Variants in CASTOR2 observed in about 807,000 individuals in gnomAD.
The protein encoded by CASTOR2 is GATS protein like 2.
In CASTOR2, 8 loss-of-function variants were observed where a neutral mutation model predicts 31.2. That is an observed-to-expected ratio of 0.26 (90% confidence interval 0.15 to 0.46). The LOEUF is 0.46. Among genes scored for constraint, CASTOR2 ranks in the 20% least tolerant of loss-of-function variants. The pLI is 0.99. For missense variants in CASTOR2, 216 were observed against 382.1 expected, an observed-to-expected ratio of 0.57 and a Z score of 3.62; for synonymous variants, 162 against 158.7, an observed-to-expected ratio of 1.02 and a Z score of -0.16.
In CASTOR2 at chr7:75,026,277, C is replaced by T. The variant is rs1317537828; in HGVS notation, c.*1578C>T. Among the ~76,000 whole-genome samples the T allele has an allele frequency of 4.7e-5, 7 of 150,190 alleles. No individual in the cohort carries two copies. The South Asian group carries it at 6.3e-4, about 14-fold the overall frequency. Reference sequence around the variant, plus strand: ...CGATCTTGGCTCACTACACCCTCCTCCTCCCAGGTTCAAGTGATTCTCCTG... The same window carrying T: ...CGATCTTGGCTCACTACACCCTCCTTCTCCCAGGTTCAAGTGATTCTCCTG... On this transcript the variant is annotated 3_prime_UTR_variant, in exon 9 of 9. Transcript: ENST00000616305.
At chr7:74,988,423 G>A (rs1584463324) in intron 1 of CASTOR2, among the ~76,000 whole-genome samples, 2 of 151,974 alleles carry the variant, frequency 1.3e-5, no homozygotes, top group Non-Finnish European at 2.9e-5. Context: ...TCAGCCTCCC[G>A]GGTAGCTGGG....
chr7:75,022,098 G>A, intron 7 of CASTOR2, 142 bp downstream of exon 7: 1 of 958,596 alleles, frequency 1.0e-6, no homozygotes, highest in Non-Finnish European at 1.6e-6. Context: ...AATTTCTGTT[G>A]CTCACTGGTG....
At chr7:75,024,387 A>C in intron 7 of CASTOR2, 53 bp from the exon 8 acceptor site, 3 of 1,538,142 alleles carry the variant, frequency 2.0e-6, no homozygotes, top group Non-Finnish European at 2.6e-6. Flanking sequence ...AGAGCCACAC[A>C]GGCAAGGGTA....
At chr7:75,016,726 G>A (rs1335254773) in intron 2 of CASTOR2, among the ~76,000 whole-genome samples, 2 of 152,208 alleles carry the variant, frequency 1.3e-5, no homozygotes, top group Non-Finnish European at 2.9e-5. Context: ...TGATGCCATC[G>A]TTTTACGGCT....
At position 75,027,802 on chromosome 7, in the gene CASTOR2, G is replaced by T; in HGVS notation, c.*3103G>T. 1 of 598,728 alleles carries T rather than the reference G, an allele frequency of 1.7e-6. No individual in the cohort carries two copies. Among genetic ancestry groups the T allele is most frequent in the Non-Finnish European group, 3.0e-6 (1 of 336,428 alleles). 37.1% of individuals were successfully genotyped at this position (598,728 alleles called of 1,614,324 possible). Reference sequence around the variant, plus strand: ...GGTTTATCTTCTCGGCGTTCTGTGTGTAGCGTAGTCTTGGTTTGGTCTCCA... The same window carrying T: ...GGTTTATCTTCTCGGCGTTCTGTGTTTAGCGTAGTCTTGGTTTGGTCTCCA... On this transcript the variant is annotated 3_prime_UTR_variant, in exon 9 of 9. Transcript: ENST00000616305.
intron 1 of CASTOR2, among the ~76,000 whole-genome samples, chr7:74,979,309 T>C (rs1418759153): frequency 6.8e-6 from 1 of 146,760 alleles, no homozygotes; most frequent in East Asian, 2.1e-4. Context: ...TAGTGAACAT[T>C]GTACCCGATA....
At chr7:75,019,298 G>A (rs1445060660) in intron 5 of CASTOR2, among the ~76,000 whole-genome samples, 6 of 152,104 alleles carry the variant, frequency 3.9e-5, no homozygotes, top group Middle Eastern at 6.8e-3. Flanking sequence ...GACCTGCCCC[G>A]GAGCTAGTCT....
intron 1 of CASTOR2, among the ~76,000 whole-genome samples, chr7:74,972,103 C>T (rs1197620634): frequency 4.1e-5 from 6 of 147,228 alleles, no homozygotes; most frequent in African/African-American, 1.5e-4. Context: ...CTCAGCCGCC[C>T]GAATAGCTGG....
At position 75,030,153 on chromosome 7, in the gene CASTOR2, G is replaced by A. The variant is rs1443052728; in HGVS notation, c.*5454G>A. Among the ~76,000 whole-genome samples the A allele has an allele frequency of 1.3e-5, 2 of 152,236 alleles. No homozygotes were observed. The highest frequency in any genetic ancestry group is 2.9e-5 in the Non-Finnish European group (2 of 68,046). Reference sequence around the variant, plus strand: ...AAGGGAAGAGGAGCTATGGAAATTGGAAGTGCAGGGTGGCCTGTGTGCTAG... The same window carrying A: ...AAGGGAAGAGGAGCTATGGAAATTGAAAGTGCAGGGTGGCCTGTGTGCTAG... On this transcript the variant is annotated 3_prime_UTR_variant, in exon 9 of 9. Transcript: ENST00000616305.
intron 1 of CASTOR2, among the ~76,000 whole-genome samples, chr7:74,997,191 C>T (rs1804372928): frequency 6.6e-6 from 1 of 151,712 alleles, no homozygotes; most frequent in Admixed American, 6.6e-5. Flanking sequence ...GTAGCTGGGA[C>T]TACAGGTGCA....
chr7:74,995,431 C>T (rs1490046143), intron 1 of CASTOR2, among the ~76,000 whole-genome samples: 7 of 139,788 alleles, frequency 5.0e-5, no homozygotes, highest in Non-Finnish European at 7.6e-5. Context: ...TTTGGGAGGC[C>T]GAGGCGGGAA....
intron 1 of CASTOR2, among the ~76,000 whole-genome samples, chr7:74,991,803 T>TG (rs1804218140): frequency 6.6e-6 from 1 of 151,836 alleles, no homozygotes; most frequent in Non-Finnish European, 1.5e-5. Context: ...AGTGGTCACA[T>TG]GGGGGCTGGA....
intron 1 of CASTOR2, among the ~76,000 whole-genome samples, chr7:74,983,041 C>G (rs1292458980): frequency 2.3e-5 from 1 of 43,782 alleles, no homozygotes; most frequent in South Asian, 9.3e-4. Flanking sequence ...GACAGAGTCT[C>G]ACCCTGCCGC....
At position 75,025,847 on chromosome 7, in the gene CASTOR2, A is replaced by G. The variant is rs1805113342; in HGVS notation, c.*1148A>G. ...GGGAGCCTGGAGGCTCTGTGTCACTAAGCTGGTGCTCTGTGGCTCCAGGGA... is the reference window on the plus strand; with the variant it reads ...GGGAGCCTGGAGGCTCTGTGTCACTGAGCTGGTGCTCTGTGGCTCCAGGGA... On this transcript the variant is annotated 3_prime_UTR_variant, in exon 9 of 9. Transcript: ENST00000616305. Among the ~76,000 whole-genome samples, 1 of 152,156 alleles carries G rather than the reference A, an allele frequency of 6.6e-6. No homozygotes were observed. Among genetic ancestry groups the G allele is most frequent in the South Asian group, 2.1e-4 (1 of 4,830 alleles).
chr7:75,029,285 CA>C lies in CASTOR2; in HGVS notation c.*4588del, dbSNP rs1805230770. 1.3e-5 allele frequency among the ~76,000 whole-genome samples: 2 copies of C among 151,914 alleles called. No homozygotes were observed. Among genetic ancestry groups the C allele is most frequent in the Admixed American group, 6.6e-5 (1 of 15,246 alleles). On this transcript the variant is annotated 3_prime_UTR_variant, in exon 9 of 9. Coordinates refer to ENST00000616305, the MANE Select transcript of CASTOR2 (RefSeq NM_001145064.3). ...GAGCCTAGAGATCTGGATGTGGTGACAACCAGGGCTTTTCCCAGCCCCAGCT... is the reference window on the plus strand; with the variant it reads ...GAGCCTAGAGATCTGGATGTGGTGACACCAGGGCTTTTCCCAGCCCCAGCT...
chr7:74,974,444 C>T (rs1312424346), intron 1 of CASTOR2, among the ~76,000 whole-genome samples: 9 of 150,806 alleles, frequency 6.0e-5, no homozygotes, highest in African/African-American at 1.7e-4. Context: ...ACACAGGGGG[C>T]ATGGCTGGGA....
intron 6 of CASTOR2, among the ~76,000 whole-genome samples, chr7:75,020,635 C>T (rs1382529494): frequency 6.6e-6 from 1 of 151,834 alleles, no homozygotes; most frequent in Non-Finnish European, 1.5e-5. Flanking sequence ...GGACTACAGG[C>T]GCCGCCACCA....
At chr7:74,988,382 C>T (rs1584463296) in intron 1 of CASTOR2, among the ~76,000 whole-genome samples, 1 of 152,112 alleles carries the variant, frequency 6.6e-6, no homozygotes, top group Admixed American at 6.6e-5. Flanking sequence ...ACTGCAAGCT[C>T]CGCCTCCCGG....
Position 74,990,772 on chromosome 7 carries a change from T to G in CASTOR2, c.114-17222T>G, listed in dbSNP as rs1187446795. Reference sequence around the variant, plus strand: ...CGGGAGGCTGAGGCAGGAGAATCACTTGAATGCGGGAGGCAGAGGTTGCAG... The same window carrying G: ...CGGGAGGCTGAGGCAGGAGAATCACGTGAATGCGGGAGGCAGAGGTTGCAG... On this transcript the variant is annotated intron_variant, in intron 1 of 8. Coordinates refer to ENST00000616305, the MANE Select transcript of CASTOR2 (RefSeq NM_001145064.3). 1.2e-3 allele frequency among the ~76,000 whole-genome samples: 180 copies of G among 152,190 alleles called. 1 individual carries two copies. The highest frequency in any genetic ancestry group is 1.3e-3 in the Non-Finnish European group (89 of 68,002).
Sources: gnomAD v4.1 joint callset for allele counts (sites outside exome capture counted in the v4.1 genomes callset) on GRCh38, gnomAD v4.1.1 for gene constraint, MANE v1.5 for transcripts, NCBI Gene and HGNC (gene_info 2026-07-23, HGNC 2026-07-21) for gene names.